The following HDAC9 variants were observed in gnomAD, a reference collection of about 807,000 sequenced individuals.
The protein encoded by HDAC9 is MEF-2 interacting transcription repressor (MITR) protein.
Under a neutral mutation model 139.4 loss-of-function variants are expected in HDAC9, and 41 were observed. The ratio of observed to expected loss-of-function variants is 0.29; its 90% confidence interval spans 0.23 to 0.38. HDAC9 has a LOEUF of 0.38. HDAC9 is among the 10% of genes least tolerant of loss of function. The pLI, the probability that HDAC9 is intolerant of heterozygous loss-of-function variation, is 1.00. For missense variants in HDAC9, 1,147 were observed against 1,297.0 expected, an observed-to-expected ratio of 0.88 and a Z score of 1.78; for synonymous variants, 517 against 476.2, an observed-to-expected ratio of 1.09 and a Z score of -1.12.
intron 14 of HDAC9, among the ~76,000 whole-genome samples, chr7:18,757,630 A>T (rs1210266327): frequency 6.6e-6 from 1 of 152,174 alleles, no homozygotes; most frequent in Non-Finnish European, 1.5e-5. Flanking sequence ...ACTGATTAGG[A>T]CACTGGCCTC....
intron 2 of HDAC9, among the ~76,000 whole-genome samples, chr7:18,255,488 A>G (rs1795170669): frequency 1.3e-5 from 2 of 152,206 alleles, no homozygotes; most frequent in African/African-American, 4.8e-5. Flanking sequence ...GGAGAATTAA[A>G]TAAGTACAAG....
chr7:18,183,316 G>GT (rs1373511857), intron 2 of HDAC9, among the ~76,000 whole-genome samples: 1 of 152,028 alleles, frequency 6.6e-6, no homozygotes, highest in Non-Finnish European at 1.5e-5. Context: ...GCCATGGTTT[G>GT]TTTTTTTAAA....
At chr7:18,661,739 C>G (rs994282287) in intron 11 of HDAC9, among the ~76,000 whole-genome samples, 1 of 152,080 alleles carries the variant, frequency 6.6e-6, no homozygotes, top group Non-Finnish European at 1.5e-5. Context: ...GAATTCTGCT[C>G]TTGGAAAAAG....
intron 12 of HDAC9, among the ~76,000 whole-genome samples, chr7:18,675,272 G>A (rs917845690): frequency 2.2e-4 from 33 of 152,116 alleles, no homozygotes; most frequent in African/African-American, 7.7e-4. Context: ...GAACTGCCTC[G>A]TACGGTAATA....
chr7:18,717,790 A>G (rs541470239), intron 12 of HDAC9, among the ~76,000 whole-genome samples: 1 of 152,172 alleles, frequency 6.6e-6, no homozygotes, highest in South Asian at 2.1e-4. Context: ...ATAAAAATAT[A>G]TATACAAACT....
intron 2 of HDAC9, among the ~76,000 whole-genome samples, chr7:18,240,937 C>G (rs1402789497): frequency 2.0e-5 from 3 of 152,156 alleles, no homozygotes; most frequent in African/African-American, 7.2e-5. Context: ...TCAGATGTCA[C>G]TGCATCATTG....
In HDAC9 at chr7:18,603,846, G is replaced by A. The variant is rs141944676; in HGVS notation, c.664+9817G>A. Among the ~76,000 whole-genome samples, 602 of 152,058 alleles carry A rather than the reference G, an allele frequency of 4.0e-3. 3 individuals are homozygous for A. The highest frequency in any genetic ancestry group is 0.014 in the African/African-American group (576 of 41,512). ...GGCCTACAGGCAATAAATGTCCTTAGTTTTTGTTTGTCCAAGAAAGTGCTT... is the reference window on the plus strand; with the variant it reads ...GGCCTACAGGCAATAAATGTCCTTAATTTTTGTTTGTCCAAGAAAGTGCTT... On this transcript the variant is annotated intron_variant, in intron 6 of 25. Transcript: ENST00000686413.
chr7:18,617,776 A>C (rs928659505), intron 6 of HDAC9, among the ~76,000 whole-genome samples: 1 of 152,172 alleles, frequency 6.6e-6, no homozygotes, highest in Non-Finnish European at 1.5e-5. Flanking sequence ...CACTGAATAA[A>C]TTTCTGTTAT....
chr7:18,249,541 G>A (rs1234034038), intron 2 of HDAC9, among the ~76,000 whole-genome samples: 3 of 143,270 alleles, frequency 2.1e-5, no homozygotes, highest in Middle Eastern at 3.4e-3. Flanking sequence ...AAAACTTTCT[G>A]AACAGATCTG....
intron 6 of HDAC9, among the ~76,000 whole-genome samples, chr7:18,597,287 A>G (rs1832766343): frequency 6.6e-6 from 1 of 152,142 alleles, no homozygotes; most frequent in African/African-American, 2.4e-5. Flanking sequence ...GAAAATAACA[A>G]TTGTTTTTAA....
intron 14 of HDAC9, among the ~76,000 whole-genome samples, chr7:18,756,662 C>G (rs1174051262): frequency 6.6e-6 from 1 of 152,178 alleles, no homozygotes; most frequent in Non-Finnish European, 1.5e-5. Context: ...ATAATTTAGT[C>G]AAACATCTTT....
At chr7:18,204,614 G>C (rs1352543306) in intron 2 of HDAC9, among the ~76,000 whole-genome samples, 2 of 151,882 alleles carry the variant, frequency 1.3e-5, no homozygotes, top group Admixed American at 6.6e-5. Context: ...TGGAACTTCA[G>C]TGTTGTTTCA....
Position 18,935,799 on chromosome 7 carries a change from A to G in HDAC9, c.2804-10A>G. The stretch of plus-strand genomic sequence containing the variant: ...TAATACTTTGAAATGTTCTGTTTGT[A>G]TTATGGTAGGTTTTGGTCATTTGAC... On this transcript the variant is annotated splice_polypyrimidine_tract_variant and intron_variant, in intron 22 of 25. Transcript: ENST00000686413. The G allele has an allele frequency of 1.2e-6, 2 of 1,611,108 alleles. No homozygotes were observed.
At chr7:18,546,838 T>C (rs1260794803) in intron 2 of HDAC9, among the ~76,000 whole-genome samples, 2 of 152,224 alleles carry the variant, frequency 1.3e-5, no homozygotes, top group African/African-American at 4.8e-5. Flanking sequence ...GCCTTGCTTA[T>C]TTGCAATGGT....
intron 1 of HDAC9, among the ~76,000 whole-genome samples, chr7:18,416,112 C>T (rs2128748585): frequency 6.6e-6 from 1 of 152,176 alleles, no homozygotes; most frequent in Non-Finnish European, 1.5e-5. Context: ...TGACCATCAT[C>T]ATGGTGAAAG....
chr7:18,669,713 A>G (rs1402038787), intron 12 of HDAC9, among the ~76,000 whole-genome samples: 3 of 151,880 alleles, frequency 2.0e-5, no homozygotes, highest in Non-Finnish European at 4.4e-5. Flanking sequence ...TATAGTGTAT[A>G]TCTGATTTCT....
chr7:18,269,300 G>A (rs1312369678), intron 2 of HDAC9, among the ~76,000 whole-genome samples: 1 of 152,112 alleles, frequency 6.6e-6, no homozygotes, highest in Non-Finnish European at 1.5e-5. Context: ...GTATCACTTG[G>A]CTACTCTAGG....
Position 18,591,763 on chromosome 7 carries a change from C to A in HDAC9, c.542+121C>A. 2.3e-6 allele frequency: 3 copies of A among 1,294,222 alleles called. No individual in the cohort carries two copies. The South Asian group carries it at 4.4e-5, about 19-fold the overall frequency. The allele number at this position is 1,294,222 out of a possible 1,614,324, so 80.2% of individuals were successfully genotyped here. On this transcript the variant is annotated intron_variant, in intron 5 of 25. Transcript: ENST00000686413. The stretch of plus-strand genomic sequence containing the variant: ...CAGCTGTCTGGCTGTGGGCAAGTTC[C>A]TTCAGTTCTCTAAGGATCAGTTTCC...
intron 16 of HDAC9, among the ~76,000 whole-genome samples, chr7:18,782,921 G>A (rs965792985): frequency 6.6e-6 from 1 of 152,028 alleles, no homozygotes; most frequent in Non-Finnish European, 1.5e-5. Flanking sequence ...GGTCTCTAAC[G>A]CTAAGGCAAC....
Sources: allele counts gnomAD v4.1 joint callset (sites outside exome capture counted in the v4.1 genomes callset), GRCh38; gene constraint gnomAD v4.1.1; transcripts MANE v1.5; gene names NCBI Gene and HGNC (gene_info 2026-07-23, HGNC 2026-07-21).